ARL17B: variants seen among roughly 807,000 people sequenced by gnomAD.
ARL17B encodes the protein ADP-ribosylation factor-like protein 17.
At chr17:46,279,008 G>C (rs2049678982) in intron 4 of ARL17B, among the ~76,000 whole-genome samples, 1 of 151,966 alleles carries the variant, frequency 6.6e-6, no homozygotes, top group Non-Finnish European at 1.5e-5. Context: ...ATGTTGGTCA[G>C]GCTGGTCTCG....
chr17:46,304,907 C>T lies in ARL17B; in HGVS notation c.260-5242G>A, dbSNP rs547966066. On this transcript the variant is annotated intron_variant, in intron 3 of 4. Coordinates refer to the ARL17B transcript ENST00000434041. ...TGTTTGAGACGGAATCTCGCTCTGT[C>T]GCCCAGGCTGGAGTGCAGTGGTGCG... 5.3e-4 allele frequency among the ~76,000 whole-genome samples: 36 copies of T among 68,386 alleles called. 4 individuals are homozygous for T. The highest frequency in any genetic ancestry group is 1.1e-3 in the African/African-American group (32 of 28,906). The allele number at this position is 68,386 out of a possible 152,430, so 44.9% of individuals were successfully genotyped here.
intron 4 of ARL17B, among the ~76,000 whole-genome samples, chr17:46,288,451 G>A (rs1342575562): frequency 2.0e-5 from 3 of 151,760 alleles, no homozygotes; most frequent in African/African-American, 7.3e-5. Context: ...TGGGATTACA[G>A]GTGTGTGCCA....
At chr17:46,310,354 T>TA (rs1241312016) in intron 3 of ARL17B, 1 of 125,660 alleles carries the variant, frequency 8.0e-6, no homozygotes, top group African/African-American at 2.7e-5. Flanking sequence ...CAGAACCACT[T>TA]ACAAGCTTTG....
At chr17:46,290,818 C>CA (rs1193553365) in intron 4 of ARL17B, among the ~76,000 whole-genome samples, 4 of 152,196 alleles carry the variant, frequency 2.6e-5, no homozygotes, top group African/African-American at 9.7e-5. Context: ...CAAAAACAAA[C>CA]AAAAAACCCA....
intron 4 of ARL17B, among the ~76,000 whole-genome samples, chr17:46,282,460 G>C (rs1345202909): frequency 6.6e-5 from 10 of 151,076 alleles, no homozygotes; most frequent in Non-Finnish European, 1.5e-4. Flanking sequence ...TGTCACCCAG[G>C]CTGGGGTGGA....
At chr17:46,274,538 A>C (rs2049536975), downstream of ARL17B, among the ~76,000 whole-genome samples, 1 of 152,388 alleles carries the variant, frequency 6.6e-6, no homozygotes, top group African/African-American at 2.4e-5. Flanking sequence ...TTGTACTTTT[A>C]CGTACAGGAA....
intron 4 of ARL17B, among the ~76,000 whole-genome samples, chr17:46,280,425 G>C (rs1335976287): frequency 6.6e-6 from 1 of 152,216 alleles, no homozygotes. Context: ...TGTAATCCCA[G>C]CACTCTGGGA....
intron 4 of ARL17B, among the ~76,000 whole-genome samples, chr17:46,280,259 G>A (rs1343535878): frequency 1.3e-5 from 2 of 152,316 alleles, no homozygotes; most frequent in Middle Eastern, 3.4e-3. Context: ...AGCTACTTGG[G>A]AGGCTGAGGC....
At position 46,304,634 on chromosome 17, in the gene ARL17B, G is replaced by A. The variant is rs1162973549; in HGVS notation, c.260-4969C>T. 2.9e-5 allele frequency among the ~76,000 whole-genome samples: 2 copies of A among 67,822 alleles called. 1 individual carries two copies. The highest frequency in any genetic ancestry group is 8.9e-5 in the Non-Finnish European group (2 of 22,448). 44.5% of individuals were successfully genotyped at this position (67,822 alleles called of 152,430 possible). ...CAAACTCCATCACTGTATAACTGAA[G>A]AAATTTTTTTTTATGAAATATTAAA... On this transcript the variant is annotated intron_variant, in intron 3 of 4. Transcript: ENST00000434041.
intron 4 of ARL17B, among the ~76,000 whole-genome samples, chr17:46,282,564 A>G (rs2049797799): frequency 1.3e-5 from 2 of 150,328 alleles, no homozygotes; most frequent in African/African-American, 4.9e-5. Context: ...ATAGGCACTC[A>G]TCACCAAGCC....
At chr17:46,316,289 A>G (rs1041780786) in intron 3 of ARL17B, among the ~76,000 whole-genome samples, 1 of 17,626 alleles carries the variant, frequency 5.7e-5, no homozygotes, top group African/African-American at 1.4e-4. Context: ...TTCTAGCAAC[A>G]AAGTCTCTCA....
Position 46,335,559 on chromosome 17 carries a change from A to C in ARL17B, c.*3941T>G, listed in dbSNP as rs1244452211. On this transcript the variant is annotated 3_prime_UTR_variant, in exon 4 of 4. Transcript: ENST00000450673. ...TTCTAAAACAGATATGTTGTCACCG[A>C]AGGTCATTACAAGAAGATGAAGAAG... 2 of 182,720 alleles carry C rather than the reference A, an allele frequency of 1.1e-5. 1 individual carries two copies. The highest frequency in any genetic ancestry group is 3.6e-5 in the African/African-American group (2 of 55,924). The allele number at this position is 182,720 out of a possible 1,614,324, so 11.3% of individuals were successfully genotyped here.
chr17:46,278,251 A>G (rs1254120794), intron 4 of ARL17B, among the ~76,000 whole-genome samples: 1 of 152,118 alleles, frequency 6.6e-6, no homozygotes, highest in Non-Finnish European at 1.5e-5. Flanking sequence ...CAGCCTGGGT[A>G]GCTTTCTTAT....
At chr17:46,283,781 A>G (rs2668664) in intron 4 of ARL17B, among the ~76,000 whole-genome samples, 18,456 of 152,146 alleles carry the variant, frequency 0.12, no homozygotes, top group Non-Finnish European at 0.18. Flanking sequence ...AGTTCCCTTC[A>G]TATTTATTGA....
chr17:46,283,892 C>T (rs1483014496), intron 4 of ARL17B, among the ~76,000 whole-genome samples: 10 of 152,214 alleles, frequency 6.6e-5, no homozygotes, highest in Admixed American at 5.9e-4. Context: ...GTCTCTGCAT[C>T]ATAGACAAGG....
rs1465907345 is a variant in ARL17B, at chr17:46,294,131, C to T, written c.*21+5395G>A. 3.5e-5 allele frequency: 4 copies of T among 113,376 alleles called. 2 individuals carry two copies. In the Admixed American group the frequency reaches 5.9e-4, roughly 17 times the overall value. 7.0% of individuals were successfully genotyped at this position (113,376 alleles called of 1,614,324 possible). On this transcript the variant is annotated intron_variant, in intron 4 of 4. Coordinates refer to the ARL17B transcript ENST00000570618. ...GAACTTCTGACCTCAGTGATCCCCC[C>T]ACCTCGGCCTCCCAAAGTTCTGGGA...
intron 3 of ARL17B, among the ~76,000 whole-genome samples, chr17:46,340,734 G>A (rs1420696654): frequency 1.3e-5 from 1 of 74,994 alleles, no homozygotes; most frequent in East Asian, 2.4e-4. Context: ...TCTAAAAACA[G>A]TTTCACCATG....
At chr17:46,276,790 C>CTTTTCTTTTTTTTTT (rs2049598576) in intron 4 of ARL17B, among the ~76,000 whole-genome samples, 15 of 134,266 alleles carry the variant, frequency 1.1e-4, no homozygotes, top group Non-Finnish European at 1.8e-4. Flanking sequence ...TTCTTTTTTT[C>CTTTTCTTTTTTTTTT]TTTTTTTTTT....
intron 4 of ARL17B, among the ~76,000 whole-genome samples, chr17:46,288,305 C>CTTTT (rs78255121): frequency 2.5e-4 from 28 of 112,232 alleles, no homozygotes; most frequent in Non-Finnish European, 3.1e-4. Flanking sequence ...CCAGGCCCGG[C>CTTTT]TTTTTTTTTT....
Sources: gnomAD v4.1 joint callset for allele counts (sites outside exome capture counted in the v4.1 genomes callset) on GRCh38, gnomAD v4.1.1 for gene constraint, MANE v1.5 for transcripts, NCBI Gene and HGNC (gene_info 2026-07-23, HGNC 2026-07-21) for gene names.